GALNT11: variants seen among roughly 807,000 people sequenced by gnomAD.
GALNT11 encodes the protein UDP-GalNAc:polypeptide N-acetylgalactosaminyltransferase 11.
Under a neutral mutation model 72.7 loss-of-function variants are expected in GALNT11, and 47 were observed. The ratio of observed to expected loss-of-function variants is 0.65; its 90% confidence interval spans 0.51 to 0.82. GALNT11 has a LOEUF of 0.82. Among genes scored for constraint, GALNT11 ranks in the 40% least tolerant of loss-of-function variants. GALNT11 has a pLI of 0.00. For missense variants in GALNT11, 677 were observed against 778.4 expected, an observed-to-expected ratio of 0.87 and a Z score of 1.55; for synonymous variants, 270 against 286.6, an observed-to-expected ratio of 0.94 and a Z score of 0.58.
chr7:152,078,233 T>A (rs780593221), intron 1 of GALNT11, among the ~76,000 whole-genome samples: 8 of 152,154 alleles, frequency 5.3e-5, no homozygotes, highest in Non-Finnish European at 1.0e-4. Flanking sequence ...TTGTTTTTTT[T>A]AGACAGAGTT....
intron 1 of GALNT11, among the ~76,000 whole-genome samples, chr7:152,078,097 G>C (rs2129016785): frequency 6.6e-6 from 1 of 152,008 alleles, no homozygotes; most frequent in Middle Eastern, 3.4e-3. Flanking sequence ...AGCGTGAGGG[G>C]GGAAGGCTGG....
intron 6 of GALNT11, 123 bp downstream of exon 6, chr7:152,108,410 TA>T (rs2087819490): frequency 4.2e-6 from 6 of 1,422,136 alleles, no homozygotes; most frequent in Non-Finnish European, 5.7e-6. Context: ...ATTTGTACGT[TA>T]AAAATTCTTG....
rs2088444343 is a variant in GALNT11, at chr7:152,113,314, G to A, written c.1149G>A (p.Arg383=). ...GAGTAGGACACATTTTCCGAAAAAG[G>A]CGACCATATGGATCTCCCGAAGGCC... ...CSRVGHIFRK[R]RPYGSPEGQD... Residue 383 remains arginine, a synonymous_variant, in exon 8 of 12, where the codon AGG becomes AGA. Transcript: ENST00000430044. 6.2e-7 allele frequency: 1 copy of A among 1,614,068 alleles called. No homozygotes were observed. Among genetic ancestry groups the A allele is most frequent in the African/African-American group, 1.3e-5 (1 of 75,000 alleles).
chr7:152,028,702 C>G (rs1374982871), intron 1 of GALNT11, among the ~76,000 whole-genome samples: 1 of 151,610 alleles, frequency 6.6e-6, no homozygotes, highest in Admixed American at 6.6e-5. Flanking sequence ...ACAGGACACC[C>G]CAACTGCTGT....
At position 152,118,712 on chromosome 7, in the gene GALNT11, C is replaced by T; in HGVS notation, c.1487C>T (p.Ala496Val). ...CTCCAGACCAACAAATGCCTGGTGG[C>T]CCAGGGCCGCCCAAGTCAGAAGGGA... ...YHLQTNKCLV[A>V]QGRPSQKGGL... Residue 496 changes from alanine to valine, a missense_variant, in exon 10 of 12, where the codon GCC (alanine) becomes GTC (valine). By Grantham distance (64) the Ala-to-Val change is moderately conservative. Transcript: ENST00000430044. 1 of 1,610,378 alleles carries T rather than the reference C, an allele frequency of 6.2e-7. No homozygotes were observed. The highest frequency in any genetic ancestry group is 8.5e-7 in the Non-Finnish European group (1 of 1,178,458).
At chr7:152,061,484 T>C (rs2084014372) in intron 1 of GALNT11, among the ~76,000 whole-genome samples, 1 of 152,202 alleles carries the variant, frequency 6.6e-6, no homozygotes, top group African/African-American at 2.4e-5. Flanking sequence ...TTTAATTAGA[T>C]CCCATTTGTC....
rs748970351 is a variant in GALNT11 at position 152,117,125 on chromosome 7, G to T, written c.1234-32G>T. On this transcript the variant is annotated intron_variant, in intron 8 of 11. Transcript: ENST00000430044. ...TATCATCATTTTTAACAAAAAATTC[G>T]ATTTTCTTATTTTTACTTTTTTTAA... 13 of 1,560,094 alleles carry T rather than the reference G, an allele frequency of 8.3e-6. 1 individual carries two copies. The highest frequency in any genetic ancestry group is 1.2e-5 in the South Asian group (1 of 82,550).
intron 4 of GALNT11, 57 bp downstream of exon 4, chr7:152,103,335 G>T (rs776256764): frequency 6.4e-7 from 1 of 1,552,202 alleles, no homozygotes; most frequent in African/African-American, 1.4e-5. Flanking sequence ...CTACAGCACT[G>T]ACAAACACTA....
intron 1 of GALNT11, among the ~76,000 whole-genome samples, chr7:152,030,884 T>G (rs1586899612): frequency 6.6e-6 from 1 of 152,244 alleles, no homozygotes; most frequent in Admixed American, 6.5e-5. Flanking sequence ...TATGCTGCTG[T>G]TCTCCCCTCT....
At chr7:152,092,081 C>T (rs996992879) in intron 1 of GALNT11, among the ~76,000 whole-genome samples, 5 of 152,138 alleles carry the variant, frequency 3.3e-5, no homozygotes, top group East Asian at 1.9e-4. Context: ...CCTGGTTCCT[C>T]GTGGATTCAG....
At chr7:152,060,441 A>T (rs1237416371) in intron 1 of GALNT11, among the ~76,000 whole-genome samples, 2 of 150,548 alleles carry the variant, frequency 1.3e-5, no homozygotes, top group African/African-American at 4.9e-5. Flanking sequence ...GGCTTTCCAC[A>T]TGCCTTCCTC....
At chr7:152,111,651 T>A (rs1265944249) in intron 7 of GALNT11, among the ~76,000 whole-genome samples, 2 of 143,076 alleles carry the variant, frequency 1.4e-5, no homozygotes, top group East Asian at 3.9e-4. Flanking sequence ...TATATTTTTT[T>A]AAATTATAAA....
At chr7:152,075,035 T>G (rs550985778) in intron 1 of GALNT11, 1 of 152,366 alleles carries the variant, frequency 6.6e-6, no homozygotes, top group African/African-American at 2.4e-5. Context: ...ATCTTTTACC[T>G]TAGTGCCTGG....
intron 1 of GALNT11, among the ~76,000 whole-genome samples, chr7:152,034,739 G>C (rs10244284): frequency 0.16 from 24,194 of 152,062 alleles, 4,683 homozygotes; most frequent in African/African-American, 0.46. Flanking sequence ...CCCTGCGGAT[G>C]GGAATAGTTG....
At position 152,101,022 on chromosome 7, in the gene GALNT11, C is replaced by T. The variant is rs1227576985; in HGVS notation, c.419+101C>T. On this transcript the variant is annotated intron_variant, in intron 3 of 11. Transcript: ENST00000430044. ...ACGGGGTTCATATTTCCCAATGCAG[C>T]GTCTTTATTCAGCATACTAGGAAAC... The T allele has an allele frequency of 2.0e-5, 29 of 1,446,638 alleles. No homozygotes were observed. In the East Asian group the frequency reaches 4.3e-4, roughly 21 times the overall value. The allele number at this position is 1,446,638 out of a possible 1,614,324, so 89.6% of individuals were successfully genotyped here.
chr7:152,081,357 G>C (rs751741197), intron 1 of GALNT11, among the ~76,000 whole-genome samples: 1 of 152,112 alleles, frequency 6.6e-6, no homozygotes. Flanking sequence ...CTCAAAGCCC[G>C]GTATTGTGCT....
At chr7:152,097,585 G>A (rs553815770) in intron 2 of GALNT11, among the ~76,000 whole-genome samples, 1 of 152,348 alleles carries the variant, frequency 6.6e-6, no homozygotes, top group African/African-American at 2.4e-5. Context: ...GACAGAAGGT[G>A]ACAACATGTT....
At chr7:152,065,195 C>G (rs1409748153) in intron 1 of GALNT11, among the ~76,000 whole-genome samples, 2 of 152,192 alleles carry the variant, frequency 1.3e-5, no homozygotes, top group Non-Finnish European at 2.9e-5. Context: ...TGCTTCATTT[C>G]ATTCATTTGA....
chr7:152,099,030 C>A (rs1346587213), intron 2 of GALNT11, among the ~76,000 whole-genome samples: 1 of 152,110 alleles, frequency 6.6e-6, no homozygotes, highest in Non-Finnish European at 1.5e-5. Flanking sequence ...CTGCATTCGC[C>A]TCCTAGGTTC....
Sources: gnomAD v4.1 joint callset for allele counts (sites outside exome capture counted in the v4.1 genomes callset) on GRCh38, gnomAD v4.1.1 for gene constraint, MANE v1.5 for transcripts, NCBI Gene and HGNC (gene_info 2026-07-23, HGNC 2026-07-21) for gene names.